Variants in ZCWPW1 observed in about 807,000 individuals in gnomAD.
ZCWPW1 encodes zinc finger CW-type and PWWP domain containing 1, also known as zinc finger CW-type PWWP domain protein 1.
In ZCWPW1, 56 loss-of-function variants were observed where a neutral mutation model predicts 81.3. The observed-to-expected ratio is 0.69, with a 90% CI of 0.56 to 0.86. The LOEUF (loss-of-function observed/expected upper bound fraction) is 0.86. Ranked by LOEUF, ZCWPW1 falls within the 40% of genes least tolerant of loss-of-function variation. The pLI, the probability that ZCWPW1 is intolerant of heterozygous loss-of-function variation, is 0.00. For missense variants in ZCWPW1, 650 were observed against 769.8 expected, an observed-to-expected ratio of 0.84 and a Z score of 1.84; for synonymous variants, 250 against 273.7, an observed-to-expected ratio of 0.91 and a Z score of 0.86.
rs1584248600 is a variant in ZCWPW1 at position 100,406,699 on chromosome 7, C to T, written c.1168G>A (p.Val390Ile). 1 of 1,614,010 alleles carries T rather than the reference C, an allele frequency of 6.2e-7. No individual in the cohort carries two copies. Among genetic ancestry groups the T allele is most frequent in the East Asian group, 2.2e-5 (1 of 44,884 alleles). ...NFQELSLELS[V>I]MKKRRNDCSQ... Reference sequence around the variant, plus strand: ...GAACCCCAAGATGTGCTCACCATGACTGATAGCTCCAGGGACAGCTCCTGG... The same window carrying T: ...GAACCCCAAGATGTGCTCACCATGATTGATAGCTCCAGGGACAGCTCCTGG... The change falls in exon 12 of 18, where the codon GTC becomes ATC. Residue 390 changes from valine to isoleucine, a missense_variant. Val to Ile is a conservative substitution (Grantham distance 29). Coordinates refer to ENST00000684423, the MANE Select transcript of ZCWPW1 (RefSeq NM_001386010.1).
At chr7:100,412,273 G>A (rs1459742046) in intron 8 of ZCWPW1, among the ~76,000 whole-genome samples, 1 of 152,192 alleles carries the variant, frequency 6.6e-6, no homozygotes, top group Admixed American at 6.5e-5. Flanking sequence ...TTCTGAGCTC[G>A]AGATTCCTAA....
Position 100,427,375 on chromosome 7 carries a change from C to T in ZCWPW1, c.-137+1193G>A, listed in dbSNP as rs369331731. On this transcript the variant is annotated intron_variant, in intron 1 of 17. Transcript: ENST00000684423. ...GTCAGGAGTTCGGGACCAGCCTGGC[C>T]AATACGGTGAAACCCCGTCTCTACT... Among the ~76,000 whole-genome samples, 597 of 151,030 alleles carry T rather than the reference C, an allele frequency of 4.0e-3. 4 individuals are homozygous for T. Among genetic ancestry groups the T allele is most frequent in the African/African-American group, 0.014 (568 of 41,058 alleles).
intron 5 of ZCWPW1, 55 bp from the exon 6 acceptor site, chr7:100,417,238 A>G (rs567537824): frequency 7.3e-7 from 1 of 1,376,496 alleles, no homozygotes. Flanking sequence ...AAGCCACTCT[A>G]TTACTCCCTA....
intron 2 of ZCWPW1, among the ~76,000 whole-genome samples, chr7:100,421,203 C>T (rs901320880): frequency 1.3e-5 from 2 of 152,104 alleles, no homozygotes; most frequent in South Asian, 2.1e-4. Context: ...TTTTATGTGC[C>T]TAGAACCATG....
chr7:100,413,996 C>T (rs1331899327), intron 8 of ZCWPW1, among the ~76,000 whole-genome samples: 3 of 152,322 alleles, frequency 2.0e-5, no homozygotes, highest in South Asian at 4.1e-4. Flanking sequence ...CAAAAGTTCT[C>T]AACAAGCACA....
At chr7:100,406,923 C>T in intron 11 of ZCWPW1, 125 bp from the exon 12 acceptor site, 1 of 798,850 alleles carries the variant, frequency 1.3e-6, no homozygotes, top group Admixed American at 2.5e-5. Flanking sequence ...ATACTCCTTT[C>T]AAAGCCTGAC....
Position 100,403,744 on chromosome 7 carries a change from C to A in ZCWPW1, c.1363G>T (p.Glu455Ter). Residue 455 changes from glutamate (E) to a stop codon, truncating the protein, a stop_gained, in exon 15 of 18, where the codon GAG becomes TAG. Coordinates refer to ENST00000684423, the MANE Select transcript of ZCWPW1 (RefSeq NM_001386010.1). LOFTEE classifies it high-confidence loss of function. ...AACTCTTCCTCTTTCTCCTTTTTCT[C>A]TAAGCAGGATCCTGGGCTGTTCAAA... ...SGLNSPGSCL[E>*]KKEKEEELEK... The A allele has an allele frequency of 6.2e-7, 1 of 1,614,054 alleles. No individual in the cohort carries two copies. The highest frequency in any genetic ancestry group is 1.3e-5 in the African/African-American group (1 of 75,036).
intron 2 of ZCWPW1, among the ~76,000 whole-genome samples, chr7:100,421,668 C>T (rs1796373172): frequency 6.6e-6 from 1 of 152,082 alleles, no homozygotes; most frequent in Non-Finnish European, 1.5e-5. Context: ...GCAATCTACT[C>T]ACAGATGTTC....
In ZCWPW1 at chr7:100,402,506, G is replaced by A. The variant is rs772383063; in HGVS notation, c.1474+10C>T. On this transcript the variant is annotated intron_variant, in intron 16 of 17. Transcript: ENST00000684423. ...GTGGGTTGTGCTCCATTTCCAGCTG[G>A]CCTGCTTACCTCTTGGCTTGGTTTT... 3.1e-6 allele frequency: 5 copies of A among 1,613,838 alleles called. No homozygotes were observed. The East Asian group carries it at 8.9e-5, about 29-fold the overall frequency.
intron 5 of ZCWPW1, among the ~76,000 whole-genome samples, chr7:100,417,716 T>TAA (rs1262935759): frequency 7.1e-6 from 1 of 140,750 alleles, no homozygotes; most frequent in Non-Finnish European, 1.6e-5. Flanking sequence ...AGACTCCATC[T>TAA]AAAAAAAAAA....
At chr7:100,423,322 T>C (rs1448900182) in intron 2 of ZCWPW1, among the ~76,000 whole-genome samples, 2 of 152,190 alleles carry the variant, frequency 1.3e-5, no homozygotes, top group African/African-American at 4.8e-5. Context: ...TTGTTCTAAA[T>C]CTGTGATCCC....
chr7:100,419,564 T>C, intron 4 of ZCWPW1, 66 bp downstream of exon 4: 1 of 1,535,368 alleles, frequency 6.5e-7, no homozygotes. Context: ...ACTCTGTTTG[T>C]CTAGCCTGAG....
rs1791781970 is a variant in ZCWPW1, at chr7:100,401,110, G to T, written c.1854C>A (p.Leu618=). 1 of 1,614,104 alleles carries T rather than the reference G, an allele frequency of 6.2e-7. No homozygotes were observed. Among genetic ancestry groups the T allele is most frequent in the Admixed American group, 1.7e-5 (1 of 60,008 alleles). Residue 618 remains leucine, a synonymous_variant, in exon 18 of 18, where the codon CTC becomes CTA. Transcript: ENST00000684423. ...CCAGCTCTCTCCCAACATCTTCCATGAGTTGCTCCAGGTCCAGGTCACTGG... is the reference window on the plus strand; with the variant it reads ...CCAGCTCTCTCCCAACATCTTCCATTAGTTGCTCCAGGTCCAGGTCACTGG... ...EASSDLDLEQ[L]MEDVGRELGQ...
rs569553266 is a variant in ZCWPW1 at position 100,402,429 on chromosome 7, G to C, written c.1474+87C>G. ...TCAGGTCCTGGCACTGAGATGGGCA[G>C]TGAGGTCCAGCTACCTGCAGACTCC... On this transcript the variant is annotated intron_variant, in intron 16 of 17. Coordinates refer to ENST00000684423, the MANE Select transcript of ZCWPW1 (RefSeq NM_001386010.1). The C allele has an allele frequency of 6.4e-5, 91 of 1,423,802 alleles. No homozygotes were observed. In the African/African-American group the frequency reaches 1.1e-3, roughly 18 times the overall value. The allele number at this position is 1,423,802 out of a possible 1,614,324, so 88.2% of individuals were successfully genotyped here. A position where few individuals can be genotyped will look rare whatever the true frequency, so the allele number is the denominator to read the frequency against.
intron 2 of ZCWPW1, among the ~76,000 whole-genome samples, chr7:100,424,472 A>AT (rs1163060953): frequency 4.6e-5 from 7 of 151,852 alleles, no homozygotes; most frequent in Non-Finnish European, 7.4e-5. Context: ...AATTATTATT[A>AT]TTTTTTTTGA....
intron 1 of ZCWPW1, among the ~76,000 whole-genome samples, chr7:100,425,444 T>C (rs1389334174): frequency 2.0e-5 from 3 of 151,986 alleles, no homozygotes; most frequent in Non-Finnish European, 4.4e-5. Flanking sequence ...AACTTAGAAA[T>C]AATAAAGGGA....
In ZCWPW1 at chr7:100,409,449, A is replaced by G. The variant is rs746251180; in HGVS notation, c.850T>C (p.Trp284Arg). 6 of 1,613,858 alleles carry G rather than the reference A, an allele frequency of 3.7e-6. No individual in the cohort carries two copies. The East Asian group carries it at 8.9e-5, about 24-fold the overall frequency. Residue 284 changes from tryptophan (W) to arginine (R), a missense_variant, in exon 9 of 18, where the codon TGG (tryptophan) becomes CGG (arginine). Physicochemically the swap from Trp to Arg is moderately radical, Grantham distance 101. Coordinates refer to ENST00000684423, the MANE Select transcript of ZCWPW1 (RefSeq NM_001386010.1). ...NIDPSVLPDN[W>R]SCDQNTDVQY... Reference sequence around the variant, plus strand: ...CTACCTGTGTTCTGATCACAGGACCAATTATCTGGGAGAACTGAGGGGTCA... The same window carrying G: ...CTACCTGTGTTCTGATCACAGGACCGATTATCTGGGAGAACTGAGGGGTCA...
rs1027242114 is a variant in ZCWPW1, at chr7:100,412,803, G to T, written c.754+3172C>A. ...TCACCATGTTAGCCAGGATGGTCTT[G>T]ATCTCCTGACCTCGTGATCCACCCG... On this transcript the variant is annotated intron_variant, in intron 8 of 17. Transcript: ENST00000684423. Among the ~76,000 whole-genome samples the T allele has an allele frequency of 3.3e-5, 5 of 152,112 alleles. No individual in the cohort carries two copies. In the East Asian group the frequency reaches 9.6e-4, roughly 29 times the overall value.
In ZCWPW1 at chr7:100,404,194, A is replaced by G. The variant is rs202188414; in HGVS notation, c.1305T>C (p.Ser435=). 4 of 1,613,924 alleles carry G rather than the reference A, an allele frequency of 2.5e-6. No homozygotes were observed. The highest frequency in any genetic ancestry group is 3.4e-6 in the Non-Finnish European group (4 of 1,180,002). ...TTATCCTACCTTTTCTTTCCCCATT[A>G]CTGTTAGATCCGTTGAATCGGCTCC... ...GFWSRFNGSN[S]NGERKDLQLS... is the part of the protein sequence containing the mutation. The change falls in exon 14 of 18, where the codon AGT becomes AGC. Residue 435 remains serine (S), a synonymous_variant. Coordinates refer to ENST00000684423, the MANE Select transcript of ZCWPW1 (RefSeq NM_001386010.1).
Sources: gnomAD v4.1 joint callset for allele counts (sites outside exome capture counted in the v4.1 genomes callset) on GRCh38, gnomAD v4.1.1 for gene constraint, MANE v1.5 for transcripts, NCBI Gene and HGNC (gene_info 2026-07-23, HGNC 2026-07-21) for gene names.